The following CACNA1A variants were observed in gnomAD, a reference collection of about 807,000 sequenced individuals.
The protein encoded by CACNA1A is calcium voltage-gated channel subunit alpha1 A, also known as voltage-dependent P/Q-type calcium channel subunit alpha-1A.
Under a neutral mutation model 262.4 loss-of-function variants are expected in CACNA1A, and 57 were observed. The ratio of observed to expected loss-of-function variants is 0.22; its 90% CI spans 0.18 to 0.27. The LOEUF (loss-of-function observed/expected upper bound fraction) is 0.27. Among genes scored for constraint, CACNA1A ranks in the 10% least tolerant of loss-of-function variants. The pLI is 1.00. For synonymous variants in CACNA1A, 1,431 were observed against 1,419.3 expected, an observed-to-expected ratio of 1.01 and a Z score of -0.18; for missense variants, 2,526 against 3,562.8, an observed-to-expected ratio of 0.71 and a Z score of 7.41.
intron 31 of CACNA1A, among the ~76,000 whole-genome samples, chr19:13,239,893 G>C (rs1009680971): frequency 1.3e-5 from 2 of 152,034 alleles, no homozygotes; most frequent in African/African-American, 4.8e-5. Flanking sequence ...GCTCACACCT[G>C]TAATCCCAAC....
chr19:13,259,779 G>A (rs2056680135), intron 26 of CACNA1A, 78 bp from the exon 27 acceptor site: 11 of 1,524,758 alleles, frequency 7.2e-6, no homozygotes, highest in African/African-American at 2.7e-5. Context: ...TCAGAGACAG[G>A]GGGAGGGAAA....
At chr19:13,478,188 A>T (rs958285096) in intron 1 of CACNA1A, among the ~76,000 whole-genome samples, 2 of 152,198 alleles carry the variant, frequency 1.3e-5, no homozygotes, top group Non-Finnish European at 2.9e-5. Flanking sequence ...CCCACAAAAT[A>T]AACATGTCAT....
chr19:13,247,246 C>CT (rs2056261568), intron 30 of CACNA1A, among the ~76,000 whole-genome samples: 1 of 152,250 alleles, frequency 6.6e-6, no homozygotes, highest in Non-Finnish European at 1.5e-5. Flanking sequence ...TAGAGCTGTG[C>CT]TTCCCTCCTA....
At chr19:13,416,524 T>C (rs1444532172) in intron 3 of CACNA1A, among the ~76,000 whole-genome samples, 1 of 151,758 alleles carries the variant, frequency 6.6e-6, no homozygotes, top group African/African-American at 2.4e-5. Flanking sequence ...CTACTAAAAC[T>C]ACAAAAATCG....
chr19:13,217,546 T>C (rs1008855566), intron 38 of CACNA1A, among the ~76,000 whole-genome samples: 1 of 152,058 alleles, frequency 6.6e-6, no homozygotes, highest in African/African-American at 2.4e-5. Context: ...GGCTCAGCTG[T>C]GGAACTCCAG....
Position 13,235,055 on chromosome 19 carries a change from A to T in CACNA1A, c.5134-19T>A. 6.3e-7 allele frequency: 1 copy of T among 1,585,460 alleles called. No individual in the cohort carries two copies. The highest frequency in any genetic ancestry group is 1.3e-5 in the African/African-American group (1 of 74,446). Reference sequence around the variant, plus strand: ...CAAACACCTGTGGAATTGGAGGGTGACGACCAGGGGCTGCCATTCCTCCAG... The same window carrying T: ...CAAACACCTGTGGAATTGGAGGGTGTCGACCAGGGGCTGCCATTCCTCCAG... On this transcript the variant is annotated intron_variant, in intron 33 of 46. Transcript: ENST00000360228.
chr19:13,208,827 G>T lies in CACNA1A; in HGVS notation c.6709C>A (p.Arg2237=). The T allele has an allele frequency of 5.2e-6, 8 of 1,544,534 alleles. No homozygotes were observed. The highest frequency in any genetic ancestry group is 6.9e-6 in the Non-Finnish European group (8 of 1,152,258). The change falls in exon 46 of 47, where the codon CGG becomes AGG. Residue 2237 remains arginine (R), a synonymous_variant. Transcript: ENST00000360228. ...CAGCGCTGGTCCCGAGCCCGTGCCC[G>T]GCCGTGGTCCGGCCGTTCCTGGGCA... ...RYAQERPDHG[R]ARARDQRWSR...
At chr19:13,290,610 C>T (rs1410336038) in intron 19 of CACNA1A, among the ~76,000 whole-genome samples, 4 of 151,914 alleles carry the variant, frequency 2.6e-5, no homozygotes, top group Non-Finnish European at 5.9e-5. Flanking sequence ...CAGGGTCTCA[C>T]TATGTTGTTC....
At chr19:13,265,477 T>C (rs1000172452) in intron 24 of CACNA1A, among the ~76,000 whole-genome samples, 7 of 152,236 alleles carry the variant, frequency 4.6e-5, no homozygotes, top group Admixed American at 4.6e-4. Flanking sequence ...AGAGATATAC[T>C]CCAGGATTCA....
At chr19:13,326,841 G>A (rs1407100405) in intron 10 of CACNA1A, among the ~76,000 whole-genome samples, 4 of 149,422 alleles carry the variant, frequency 2.7e-5, no homozygotes, top group Admixed American at 2.0e-4. Flanking sequence ...GAACGTGAAC[G>A]CAAATACCAC....
chr19:13,342,572 G>A (rs1368779811), intron 6 of CACNA1A, among the ~76,000 whole-genome samples: 2 of 152,176 alleles, frequency 1.3e-5, no homozygotes, highest in Non-Finnish European at 2.9e-5. Flanking sequence ...CAATATGGTG[G>A]GATGGTCCTT....
intron 1 of CACNA1A, among the ~76,000 whole-genome samples, chr19:13,461,093 A>T (rs1488888272): frequency 6.6e-6 from 1 of 152,112 alleles, no homozygotes; most frequent in East Asian, 1.9e-4. Flanking sequence ...TAATCCCAGC[A>T]CTTTGGGAGG....
chr19:13,208,663 T>G, intron 46 of CACNA1A, 93 bp downstream of exon 46: 1 of 1,413,380 alleles, frequency 7.1e-7, no homozygotes, highest in South Asian at 1.4e-5. Flanking sequence ...TCCGGGGACC[T>G]TTGCCTAGAG....
chr19:13,429,318 G>A (rs1275668100), intron 3 of CACNA1A, among the ~76,000 whole-genome samples: 2 of 151,220 alleles, frequency 1.3e-5, no homozygotes, highest in Admixed American at 6.6e-5. Flanking sequence ...AGCCACTTGC[G>A]ATATTGTGTC....
intron 3 of CACNA1A, among the ~76,000 whole-genome samples, chr19:13,401,914 C>T (rs1041696992): frequency 3.3e-5 from 5 of 152,134 alleles, no homozygotes; most frequent in African/African-American, 9.7e-5. Flanking sequence ...TGGGGTCAAG[C>T]GACCCTCCCA....
intron 20 of CACNA1A, among the ~76,000 whole-genome samples, chr19:13,286,200 G>C (rs1240482763): frequency 2.0e-5 from 3 of 152,076 alleles, no homozygotes; most frequent in Non-Finnish European, 2.9e-5. Context: ...ACCCCCTCAA[G>C]CTTCCATCAG....
chr19:13,258,135 G>A (rs936419963), intron 27 of CACNA1A: 1 of 152,232 alleles, frequency 6.6e-6, no homozygotes, highest in Non-Finnish European at 1.5e-5. Flanking sequence ...AACCCTCCCA[G>A]GGAGGTTATT....
chr19:13,410,377 C>A (rs1441602267), intron 3 of CACNA1A, among the ~76,000 whole-genome samples: 1 of 151,874 alleles, frequency 6.6e-6, no homozygotes, highest in Non-Finnish European at 1.5e-5. Context: ...CAGGCATGCA[C>A]CACCATGCCC....
chr19:13,417,022 G>T (rs1016728963), intron 3 of CACNA1A, among the ~76,000 whole-genome samples: 1 of 152,066 alleles, frequency 6.6e-6, no homozygotes, highest in Non-Finnish European at 1.5e-5. Flanking sequence ...CGAATTGCAC[G>T]GTACAGCTCA....
Sources: gnomAD v4.1 joint callset for allele counts (sites outside exome capture counted in the v4.1 genomes callset) on GRCh38, gnomAD v4.1.1 for gene constraint, MANE v1.5 for transcripts, NCBI Gene and HGNC (gene_info 2026-07-23, HGNC 2026-07-21) for gene names.